Variants in OR52I1 observed in about 807,000 individuals in gnomAD.
OR52I1 encodes olfactory receptor 52I1.
For missense variants in OR52I1, 342 were observed against 399.1 expected (o/e 0.86, Z 1.22); for synonymous variants, 148 against 152.4 (o/e 0.97, Z 0.21).
Position 4,594,630 on chromosome 11 carries a change from C to T in OR52I1, c.592C>T (p.Pro198Ser). The T allele has an allele frequency of 1.2e-6, 2 of 1,614,216 alleles. No individual in the cohort carries two copies. Among genetic ancestry groups the T allele is most frequent in the Non-Finnish European group, 1.7e-6 (2 of 1,180,050 alleles). ...LARLACADPV[P>S]SSLYSLIGSS... ...CAGGTTAGCATGTGCTGACCCCGTG[C>T]CCAGCAGTCTCTACAGTCTGATTGG... Residue 198 changes from proline to serine, a missense_variant, in exon 1 of 1, where the codon CCC (proline) becomes TCC (serine). Coordinates refer to ENST00000530443, the MANE Select transcript of OR52I1 (RefSeq NM_001005169.1).
rs61997187 is a variant in OR52I1 at position 4,594,832 on chromosome 11, C to T, written c.794C>T (p.Ala265Val). 94,596 of 1,614,152 alleles carry T rather than the reference C, an allele frequency of 0.059. 3,243 individuals are homozygous for T. Among genetic ancestry groups the T allele is most frequent in the African/African-American group, 0.11 (8,523 of 75,010 alleles). The stretch of plus-strand genomic sequence containing the variant: ...CTACCTGGGATGGCATCCATCTATG[C>T]GGCCTGGTTGGGGCAGGATATAGTG... ...YYLPGMASIY[A>V]AWLGQDIVPL... is the part of the protein sequence containing the mutation. Residue 265 changes from alanine (A) to valine (V), a missense_variant, in exon 1 of 1, where the codon GCG becomes GTG. Ala to Val is a moderately conservative substitution (Grantham distance 64). Transcript: ENST00000530443.
At position 4,594,967 on chromosome 11, in the gene OR52I1, G is replaced by C. The variant is rs1441166573; in HGVS notation, c.929G>C (p.Ser310Thr). The C allele has an allele frequency of 6.2e-7, 1 of 1,614,134 alleles. No individual in the cohort carries two copies. The highest frequency in any genetic ancestry group is 1.7e-5 in the Admixed American group (1 of 60,024). ...AAACAATTGCTGGAGGGAATATGGA[G>C]TTATCTGATGCACTTCCTCTTTGAC... ...RTKQLLEGIWSYLMHFLFDHS... is the reference protein window; with the variant it reads ...RTKQLLEGIWTYLMHFLFDHS... The change falls in exon 1 of 1, where the codon AGT (serine) becomes ACT (threonine). Residue 310 changes from serine (S) to threonine (T), a missense_variant. By Grantham distance (58) the Ser-to-Thr change is moderately conservative. Coordinates refer to ENST00000530443, the MANE Select transcript of OR52I1 (RefSeq NM_001005169.1).
rs1214046514 is a variant in OR52I1 at position 4,594,745 on chromosome 11, C to T, written c.707C>T (p.Thr236Ile). 2 of 1,614,120 alleles carry T rather than the reference C, an allele frequency of 1.2e-6. No individual in the cohort carries two copies. Among genetic ancestry groups the T allele is most frequent in the Non-Finnish European group, 1.7e-6 (2 of 1,179,952 alleles). ...LRAVFDLSSK[T>I]AQLKALSTCG... Reference sequence around the variant, plus strand: ...GCAGTATTTGATCTCTCCTCAAAGACTGCTCAGTTGAAAGCATTAAGCACA... The same window carrying T: ...GCAGTATTTGATCTCTCCTCAAAGATTGCTCAGTTGAAAGCATTAAGCACA... The change falls in exon 1 of 1, where the codon ACT (threonine) becomes ATT (isoleucine). Residue 236 changes from threonine (T) to isoleucine (I), a missense_variant. Physicochemically the swap from Thr to Ile is moderately conservative, Grantham distance 89. Coordinates refer to ENST00000530443, the MANE Select transcript of OR52I1 (RefSeq NM_001005169.1).
rs536139106 is a variant in OR52I1, at chr11:4,594,467, A to C, written c.429A>C (p.Gln143His). The change falls in exon 1 of 1, where the codon CAA becomes CAC. Residue 143 changes from glutamine to histidine, a missense_variant. Transcript: ENST00000530443. ...PLHYKRILTP[Q>H]VMLGMSMAVT... The stretch of plus-strand genomic sequence containing the variant: ...ACTACAAGAGAATTCTCACGCCTCA[A>C]GTGATGCTGGGAATGAGTATGGCCG... The C allele has an allele frequency of 1.5e-5, 24 of 1,614,074 alleles. No homozygotes were observed. The South Asian group carries it at 2.4e-4, about 16-fold the overall frequency.
Position 4,594,995 on chromosome 11 carries a change from C to T in OR52I1, c.957C>T (p.His319=), listed in dbSNP as rs776969882. 1.3e-4 allele frequency: 205 copies of T among 1,613,326 alleles called. No individual in the cohort carries two copies. The highest frequency in any genetic ancestry group is 5.3e-4 in the Admixed American group (32 of 59,982). Residue 319 remains histidine, a synonymous_variant, in exon 1 of 1, where the codon CAC becomes CAT. Coordinates refer to ENST00000530443, the MANE Select transcript of OR52I1 (RefSeq NM_001005169.1). ...WSYLMHFLFD[H]SNLGS The stretch of plus-strand genomic sequence containing the variant: ...ATCTGATGCACTTCCTCTTTGACCA[C>T]TCCAACCTGGGTTCATGAACACAAT...
Position 4,594,974 on chromosome 11 carries a change from G to C in OR52I1, c.936G>C (p.Leu312=). The change falls in exon 1 of 1, where the codon CTG becomes CTC. Residue 312 remains leucine, a synonymous_variant. Transcript: ENST00000530443. ...KQLLEGIWSY[L]MHFLFDHSNL... is the part of the protein sequence containing the mutation. ...TGCTGGAGGGAATATGGAGTTATCT[G>C]ATGCACTTCCTCTTTGACCACTCCA... is the stretch of plus-strand genomic sequence containing the variant. The C allele has an allele frequency of 6.2e-7, 1 of 1,614,134 alleles. No homozygotes were observed. Among genetic ancestry groups the C allele is most frequent in the East Asian group, 2.2e-5 (1 of 44,874 alleles).
Position 4,594,548 on chromosome 11 carries a change from A to C in OR52I1, c.510A>C (p.Leu170=). 6.2e-7 allele frequency: 1 copy of C among 1,614,058 alleles called. No homozygotes were observed. Among genetic ancestry groups the C allele is most frequent in the South Asian group, 1.1e-5 (1 of 91,080 alleles). Reference sequence around the variant, plus strand: ...CACTGAGTTGGATGATGAATCATCTACCTTTCTGTGGCTCCAATGTGGTTG... The same window carrying C: ...CACTGAGTTGGATGATGAATCATCTCCCTTTCTGTGGCTCCAATGTGGTTG... ...MTPLSWMMNH[L]PFCGSNVVVH... Residue 170 remains leucine, a synonymous_variant, in exon 1 of 1, where the codon CTA becomes CTC. Transcript: ENST00000530443.
rs1185598931 is a variant in OR52I1 at position 4,594,075 on chromosome 11, C to T, written c.37C>T (p.Pro13Ser). The change falls in exon 1 of 1, where the codon CCT (proline) becomes TCT (serine). Residue 13 changes from proline to serine, a missense_variant. Transcript: ENST00000530443. Reference protein sequence around the residue: ...GPAYNHTMETPASFLLVGIPG... With the variant: ...GPAYNHTMETSASFLLVGIPG... ...AGCTTACAACCACACAATGGAAACC[C>T]CTGCCTCCTTCCTCCTTGTGGGTAT... 3 of 1,614,016 alleles carry T rather than the reference C, an allele frequency of 1.9e-6. No individual in the cohort carries two copies. Among genetic ancestry groups the T allele is most frequent in the Non-Finnish European group, 2.5e-6 (3 of 1,180,024 alleles).
rs775962336 is a variant in OR52I1 at position 4,594,324 on chromosome 11, A to C, written c.286A>C (p.Ile96Leu). 1 of 1,614,198 alleles carries C rather than the reference A, an allele frequency of 6.2e-7. No individual in the cohort carries two copies. The highest frequency in any genetic ancestry group is 1.1e-5 in the South Asian group (1 of 91,074). Residue 96 changes from isoleucine to leucine, a missense_variant, in exon 1 of 1, where the codon ATC becomes CTC. Physicochemically the swap from Ile to Leu is conservative, Grantham distance 5. Transcript: ENST00000530443. Reference sequence around the variant, plus strand: ...CATCTTCTGCTCGGGAGACAGCTCCATCAGCTTTAGTGCTTGTTTCACTCA... The same window carrying C: ...CATCTTCTGCTCGGGAGACAGCTCCCTCAGCTTTAGTGCTTGTTTCACTCA... ...VSIFCSGDSS[I>L]SFSACFTQMF...
Position 4,594,341 on chromosome 11 carries a change from T to C in OR52I1, c.303T>C (p.Cys101=). 6.2e-7 allele frequency: 1 copy of C among 1,614,168 alleles called. No homozygotes were observed. The highest frequency in any genetic ancestry group is 8.5e-7 in the Non-Finnish European group (1 of 1,180,024). The change falls in exon 1 of 1, where the codon TGT becomes TGC. Residue 101 remains cysteine (C), a synonymous_variant. Coordinates refer to ENST00000530443, the MANE Select transcript of OR52I1 (RefSeq NM_001005169.1). ...ACAGCTCCATCAGCTTTAGTGCTTG[T>C]TTCACTCAGATGTTTTTTGTCCACT... The part of the protein sequence containing the change: ...SGDSSISFSA[C]FTQMFFVHLA...
Position 4,594,920 on chromosome 11 carries a change from C to T in OR52I1, c.882C>T (p.Pro294=). The T allele has an allele frequency of 6.2e-7, 1 of 1,614,216 alleles. No individual in the cohort carries two copies. The highest frequency in any genetic ancestry group is 8.5e-7 in the Non-Finnish European group (1 of 1,180,042). The part of the protein sequence containing the change: ...LYVIIPATLN[P]IIYGMRTKQL... ...TGATCATCCCAGCCACTTTAAATCC[C>T]ATCATCTATGGCATGAGGACCAAAC... The change falls in exon 1 of 1, where the codon CCC becomes CCT. Residue 294 remains proline (P), a synonymous_variant. Coordinates refer to ENST00000530443, the MANE Select transcript of OR52I1 (RefSeq NM_001005169.1).
At position 4,594,775 on chromosome 11, in the gene OR52I1, G is replaced by T. The variant is rs74977190; in HGVS notation, c.737G>T (p.Gly246Val). ...CAGTTGAAAGCATTAAGCACATGTG[G>T]CTCCCATGTGGGGGTTATGGCTTTG... is the stretch of plus-strand genomic sequence containing the variant. ...TAQLKALSTCGSHVGVMALYY... is the reference protein window; with the variant it reads ...TAQLKALSTCVSHVGVMALYY... Residue 246 changes from glycine to valine, a missense_variant, in exon 1 of 1, where the codon GGC becomes GTC. Transcript: ENST00000530443. 3.7e-4 allele frequency: 601 copies of T among 1,614,122 alleles called. 3 individuals are homozygous for T. The East Asian group carries it at 0.012, about 32-fold the overall frequency.
rs759155163 is a variant in OR52I1 at position 4,594,882 on chromosome 11, G to C, written c.844G>C (p.Ala282Pro). ...IVPLHTQVLL[A>P]DLYVIIPATL... ...GCCCTTGCACACCCAAGTGCTGCTA[G>C]CTGACCTGTACGTGATCATCCCAGC... Residue 282 changes from alanine to proline, a missense_variant, in exon 1 of 1, where the codon GCT becomes CCT. By Grantham distance (27) the Ala-to-Pro change is conservative. Coordinates refer to ENST00000530443, the MANE Select transcript of OR52I1 (RefSeq NM_001005169.1). 12 of 1,614,120 alleles carry C rather than the reference G, an allele frequency of 7.4e-6. No individual in the cohort carries two copies. Among genetic ancestry groups the C allele is most frequent in the Admixed American group, 1.7e-5 (1 of 60,012 alleles).
Position 4,594,944 on chromosome 11 carries a change from A to T in OR52I1, c.906A>T (p.Lys302Asn). The change falls in exon 1 of 1, where the codon AAA becomes AAT. Residue 302 changes from lysine to asparagine, a missense_variant. Coordinates refer to ENST00000530443, the MANE Select transcript of OR52I1 (RefSeq NM_001005169.1). ...LNPIIYGMRT[K>N]QLLEGIWSYL... Reference sequence around the variant, plus strand: ...CCATCATCTATGGCATGAGGACCAAACAATTGCTGGAGGGAATATGGAGTT... The same window carrying T: ...CCATCATCTATGGCATGAGGACCAATCAATTGCTGGAGGGAATATGGAGTT... 1 of 1,614,188 alleles carries T rather than the reference A, an allele frequency of 6.2e-7. No individual in the cohort carries two copies. Among genetic ancestry groups the T allele is most frequent in the Admixed American group, 1.7e-5 (1 of 60,016 alleles).
rs538612597 is a variant in OR52I1 at position 4,594,143 on chromosome 11, G to A, written c.105G>A (p.Leu35=). The part of the protein sequence containing the change: ...QSSHLWLAIS[L]SAMYITALLG... ...CACATCTTTGGCTGGCTATCTCACTGAGTGCCATGTACATCACAGCCCTGT... is the reference window on the plus strand; with the variant it reads ...CACATCTTTGGCTGGCTATCTCACTAAGTGCCATGTACATCACAGCCCTGT... The change falls in exon 1 of 1, where the codon CTG becomes CTA. Residue 35 remains leucine (L), a synonymous_variant. Transcript: ENST00000530443. 3.3e-5 allele frequency: 53 copies of A among 1,613,906 alleles called. No individual in the cohort carries two copies. Among genetic ancestry groups the A allele is most frequent in the Non-Finnish European group, 6.8e-6 (8 of 1,179,822 alleles).
At position 4,594,560 on chromosome 11, in the gene OR52I1, C is replaced by T. The variant is rs1156618697; in HGVS notation, c.522C>T (p.Gly174=). The change falls in exon 1 of 1, where the codon GGC becomes GGT. Residue 174 remains glycine, a synonymous_variant. Coordinates refer to ENST00000530443, the MANE Select transcript of OR52I1 (RefSeq NM_001005169.1). ...TGATGAATCATCTACCTTTCTGTGGCTCCAATGTGGTTGTCCACTCCTACT... is the reference window on the plus strand; with the variant it reads ...TGATGAATCATCTACCTTTCTGTGGTTCCAATGTGGTTGTCCACTCCTACT... ...SWMMNHLPFC[G]SNVVVHSYCK... is the part of the protein sequence containing the mutation. 2 of 1,614,244 alleles carry T rather than the reference C, an allele frequency of 1.2e-6. No individual in the cohort carries two copies. The highest frequency in any genetic ancestry group is 1.7e-6 in the Non-Finnish European group (2 of 1,180,050).
Position 4,594,674 on chromosome 11 carries a change from C to T in OR52I1, c.636C>T (p.Gly212=). The change falls in exon 1 of 1, where the codon GGC becomes GGT. Residue 212 remains glycine, a synonymous_variant. Transcript: ENST00000530443. ...YSLIGSSLMV[G]SDVAFIAASY... ...TGATTGGTTCCTCTCTTATGGTGGGCTCTGATGTGGCCTTCATTGCTGCCT... is the reference window on the plus strand; with the variant it reads ...TGATTGGTTCCTCTCTTATGGTGGGTTCTGATGTGGCCTTCATTGCTGCCT... 6.2e-7 allele frequency: 1 copy of T among 1,614,220 alleles called. No homozygotes were observed. The highest frequency in any genetic ancestry group is 8.5e-7 in the Non-Finnish European group (1 of 1,180,022).
rs1399731074 is a variant in OR52I1, at chr11:4,594,778, C to G, written c.740C>G (p.Ser247Cys). 6.2e-7 allele frequency: 1 copy of G among 1,614,148 alleles called. No individual in the cohort carries two copies. Among genetic ancestry groups the G allele is most frequent in the African/African-American group, 1.3e-5 (1 of 75,060 alleles). ...AQLKALSTCG[S>C]HVGVMALYYL... ...TTGAAAGCATTAAGCACATGTGGCT[C>G]CCATGTGGGGGTTATGGCTTTGTAC... Residue 247 changes from serine (S) to cysteine (C), a missense_variant, in exon 1 of 1, where the codon TCC becomes TGC. Transcript: ENST00000530443.
At position 4,594,164 on chromosome 11, in the gene OR52I1, C is replaced by G; in HGVS notation, c.126C>G (p.Ala42=). 6.2e-7 allele frequency: 1 copy of G among 1,613,620 alleles called. No individual in the cohort carries two copies. Among genetic ancestry groups the G allele is most frequent in the Non-Finnish European group, 8.5e-7 (1 of 1,179,626 alleles). Residue 42 remains alanine, a synonymous_variant, in exon 1 of 1, where the codon GCC becomes GCG. Coordinates refer to ENST00000530443, the MANE Select transcript of OR52I1 (RefSeq NM_001005169.1). ...AISLSAMYIT[A]LLGNTLIVTA... ...CACTGAGTGCCATGTACATCACAGC[C>G]CTGTTAGGAAACACCCTCATCGTGA... is the stretch of plus-strand genomic sequence containing the variant.
Sources: allele counts gnomAD v4.1 joint callset, GRCh38; gene constraint gnomAD v4.1.1; transcripts MANE v1.5; gene names NCBI Gene and HGNC (gene_info 2026-07-23, HGNC 2026-07-21).